Variants in HMG20A observed in about 807,000 individuals in gnomAD.
HMG20A encodes high mobility group 20A.
In HMG20A, 17 loss-of-function variants were observed where a neutral mutation model predicts 43.9. The observed-to-expected ratio is 0.39, with a 90% CI of 0.27 to 0.58. The LOEUF (loss-of-function observed/expected upper bound fraction) is 0.58. Ranked by LOEUF, HMG20A falls within the 20% of genes least tolerant of loss-of-function variation. The probability of loss-of-function intolerance (pLI) is 0.59; values close to 1 mark genes in which losing one functional copy is unlikely to be tolerated. For synonymous variants in HMG20A, 132 were observed against 147.5 expected, an observed-to-expected ratio of 0.89 and a Z score of 0.76; for missense variants, 341 against 438.2, an observed-to-expected ratio of 0.78 and a Z score of 1.98.
rs752857499 is a variant in HMG20A at position 77,471,796 on chromosome 15, G to A, written c.597G>A (p.Gln199=). 1 of 1,569,556 alleles carries A rather than the reference G, an allele frequency of 6.4e-7. No individual in the cohort carries two copies. The highest frequency in any genetic ancestry group is 1.1e-5 in the South Asian group (1 of 88,342). ...GKSHRQDAAR[Q]ATHDHEKETE... is the part of the protein sequence containing the mutation. ...TTATATTTTTAGATGCAGCCCGGCA[G>A]GCCACTCATGATCATGAGGTAATTA... Residue 199 remains glutamine, a synonymous_variant, in exon 6 of 10, where the codon CAG becomes CAA. Transcript: ENST00000336216.
At chr15:77,487,611 T>C (rs888805496), downstream of HMG20A, among the ~76,000 whole-genome samples, 3 of 152,202 alleles carry the variant, frequency 2.0e-5, no homozygotes, top group African/African-American at 7.2e-5. Flanking sequence ...ATACTTCCCC[T>C]AGTTGTTTGT....
At chr15:77,430,867 A>G (rs1467606674) in intron 1 of HMG20A, among the ~76,000 whole-genome samples, 2 of 152,220 alleles carry the variant, frequency 1.3e-5, no homozygotes, top group Non-Finnish European at 2.9e-5. Flanking sequence ...AATGATGAAG[A>G]AGTCTAACAT....
chr15:77,428,277 G>A (rs952291608), intron 1 of HMG20A, among the ~76,000 whole-genome samples: 1 of 152,230 alleles, frequency 6.6e-6, no homozygotes. Flanking sequence ...CAAAGAAGGA[G>A]GAAGGCAGCT....
intron 3 of HMG20A, among the ~76,000 whole-genome samples, chr15:77,466,639 C>T (rs141190236): frequency 4.8e-4 from 73 of 152,274 alleles, no homozygotes; most frequent in Non-Finnish European, 8.8e-4. Context: ...GCCTGGTGCA[C>T]GTGACACCAT....
chr15:77,506,398 T>A, the HMG20A span, among the ~76,000 whole-genome samples: 1 of 152,188 alleles, frequency 6.6e-6, no homozygotes, highest in Non-Finnish European at 1.5e-5. Context: ...AAGCCGCCGA[T>A]GCCCCTTGCC....
the HMG20A span, among the ~76,000 whole-genome samples, chr15:77,511,745 A>C: frequency 6.6e-6 from 1 of 152,232 alleles, no homozygotes; most frequent in Non-Finnish European, 1.5e-5. Context: ...GGCTACTATC[A>C]AAGAAAGAAA....
chr15:77,449,173 C>G (rs1280524475), intron 1 of HMG20A, among the ~76,000 whole-genome samples: 1 of 151,952 alleles, frequency 6.6e-6, no homozygotes, highest in African/African-American at 2.4e-5. Flanking sequence ...CAAACACACC[C>G]CTCCTTATAC....
chr15:77,472,314 G>A (rs896124034), intron 6 of HMG20A, among the ~76,000 whole-genome samples: 1 of 152,002 alleles, frequency 6.6e-6, no homozygotes, highest in Non-Finnish European at 1.5e-5. Flanking sequence ...TCACTCTGTC[G>A]CCCAGGCTGG....
At chr15:77,469,500 A>G (rs2072787098) in intron 4 of HMG20A, among the ~76,000 whole-genome samples, 1 of 151,878 alleles carries the variant, frequency 6.6e-6, no homozygotes. Context: ...AAACTGGCTA[A>G]TTATTTTATG....
the HMG20A span, among the ~76,000 whole-genome samples, chr15:77,512,558 T>A: frequency 0.24 from 37,161 of 152,062 alleles, 5,245 homozygotes; most frequent in Non-Finnish European, 0.32. Context: ...CAAGTAAGTA[T>A]ATGAATAAAA....
At chr15:77,460,507 T>C (rs1297844247) in intron 2 of HMG20A, among the ~76,000 whole-genome samples, 1 of 152,142 alleles carries the variant, frequency 6.6e-6, no homozygotes, top group Admixed American at 6.5e-5. Flanking sequence ...AGATGTCAAA[T>C]AGGCACTTTG....
chr15:77,427,561 A>G (rs2073439107), intron 1 of HMG20A, among the ~76,000 whole-genome samples: 1 of 152,188 alleles, frequency 6.6e-6, no homozygotes, highest in Non-Finnish European at 1.5e-5. Flanking sequence ...CTTTGCTTAT[A>G]ATCTGATAAG....
chr15:77,421,227 A>G, intron 1 of HMG20A: 2 of 305,522 alleles, frequency 6.5e-6, no homozygotes, highest in Non-Finnish European at 6.0e-6. Flanking sequence ...GGGGTGTCCG[A>G]CCCACTTCCA....
chr15:77,458,279 A>G, intron 1 of HMG20A, 125 bp from the exon 2 acceptor site: 1 of 618,388 alleles, frequency 1.6e-6, no homozygotes, highest in Non-Finnish European at 2.8e-6. Context: ...GAAAATAAAT[A>G]TTTAGGTCAG....
chr15:77,433,307 A>G (rs2073508639), intron 1 of HMG20A, among the ~76,000 whole-genome samples: 2 of 143,232 alleles, frequency 1.4e-5, no homozygotes, highest in Admixed American at 1.5e-4. Flanking sequence ...GTGCCACTGC[A>G]CTCCAGCCTG....
rs148077882 is a variant in HMG20A at position 77,446,556 on chromosome 15, C to T, written c.-4-11848C>T. Among the ~76,000 whole-genome samples the T allele has an allele frequency of 2.7e-3, 408 of 152,166 alleles. 1 individual carries two copies. Among genetic ancestry groups the T allele is most frequent in the Non-Finnish European group, 4.7e-3 (321 of 67,996 alleles). On this transcript the variant is annotated intron_variant, in intron 1 of 9. Transcript: ENST00000336216. The stretch of plus-strand genomic sequence containing the variant: ...GGTGCGGTGGCTCACGCCTGTAATC[C>T]CAGCACTTTGGGAGGCCGAGGCGGG...
At chr15:77,466,092 A>G (rs967586644) in intron 3 of HMG20A, among the ~76,000 whole-genome samples, 1 of 152,156 alleles carries the variant, frequency 6.6e-6, no homozygotes, top group Non-Finnish European at 1.5e-5. Flanking sequence ...TATAAAATGT[A>G]CATCTAGGCC....
At chr15:77,453,337 C>T (rs1567398603) in intron 1 of HMG20A, among the ~76,000 whole-genome samples, 1 of 152,124 alleles carries the variant, frequency 6.6e-6, no homozygotes, top group Non-Finnish European at 1.5e-5. Context: ...AAATGCTTAA[C>T]ATCATTACTC....
chr15:77,491,869 A>G, the HMG20A span, among the ~76,000 whole-genome samples: 1 of 152,244 alleles, frequency 6.6e-6, no homozygotes, highest in Non-Finnish European at 1.5e-5. Context: ...ACCAAAAAGA[A>G]AGATAGTGAG....
Sources: gnomAD v4.1 joint callset for allele counts (sites outside exome capture counted in the v4.1 genomes callset) on GRCh38, gnomAD v4.1.1 for gene constraint, MANE v1.5 for transcripts, NCBI Gene and HGNC (gene_info 2026-07-23, HGNC 2026-07-21) for gene names.